The following RNF170 variants were observed in gnomAD, a reference collection of about 807,000 sequenced individuals.
RNF170 encodes E3 ubiquitin-protein ligase RNF170.
A neutral mutation model predicts 32.7 loss-of-function variants in RNF170; 12 were observed. The observed-to-expected ratio is 0.37, with a 90% CI of 0.24 to 0.60. The LOEUF (loss-of-function observed/expected upper bound fraction) is 0.60. Among genes scored for constraint, RNF170 ranks in the 20% least tolerant of loss-of-function variants. The probability of loss-of-function intolerance (pLI) is 0.72; values close to 1 mark genes in which losing one functional copy is unlikely to be tolerated. For synonymous variants in RNF170, 91 were observed against 103.6 expected, an observed-to-expected ratio of 0.88 and a Z score of 0.74; for missense variants, 212 against 311.2, an observed-to-expected ratio of 0.68 and a Z score of 2.40.
At position 42,853,446 on chromosome 8, in the gene RNF170, C is replaced by T. The variant is rs1364243191; in HGVS notation, c.*2713G>A. The stretch of plus-strand genomic sequence containing the variant: ...CCACAAGGGATCCACATAGTCCTTT[C>T]TTCCCTTGTACCTCTCAAACACTGA... On this transcript the variant is annotated 3_prime_UTR_variant, in exon 7 of 7. Transcript: ENST00000527424. 1.2e-5 allele frequency: 16 copies of T among 1,287,166 alleles called. No homozygotes were observed. Among genetic ancestry groups the T allele is most frequent in the South Asian group, 2.5e-5 (2 of 80,938 alleles). The allele number at this position is 1,287,166 out of a possible 1,614,324, so 79.7% of individuals were successfully genotyped here.
At chr8:42,892,606 T>C (rs1288834742) in intron 1 of RNF170, among the ~76,000 whole-genome samples, 1 of 152,172 alleles carries the variant, frequency 6.6e-6, no homozygotes, top group Non-Finnish European at 1.5e-5. Context: ...AAGCACTTAG[T>C]TCCAAGCATA....
Position 42,856,145 on chromosome 8 carries a change from T to A in RNF170, c.*14A>T, listed in dbSNP as rs376879135. 8.6e-5 allele frequency: 138 copies of A among 1,612,098 alleles called. No individual in the cohort carries two copies. In the East Asian group the frequency reaches 1.7e-3, roughly 20 times the overall value. ...AGCTCAGATATCCTAGTAAACTCAG[T>A]TTTGTTTTCTTTTTCATCTAGTTAG... On this transcript the variant is annotated 3_prime_UTR_variant, in exon 7 of 7. Coordinates refer to ENST00000527424, the MANE Select transcript of RNF170 (RefSeq NM_030954.4).
chr8:42,854,844 G>C lies in RNF170; in HGVS notation c.*1315C>G. On this transcript the variant is annotated 3_prime_UTR_variant, in exon 7 of 7. Transcript: ENST00000527424. ...AGATCTCCCAGTACCATGTGGTACT[G>C]AGTCTTCTCAGATACATTCACTTGT... is the stretch of plus-strand genomic sequence containing the variant. 2 of 1,287,248 alleles carry C rather than the reference G, an allele frequency of 1.6e-6. No homozygotes were observed. The highest frequency in any genetic ancestry group is 2.0e-6 in the Non-Finnish European group (2 of 988,700). The allele number at this position is 1,287,248 out of a possible 1,614,324, so 79.7% of individuals were successfully genotyped here. A position where few individuals can be genotyped will look rare whatever the true frequency, so the allele number is the denominator to read the frequency against.
intron 4 of RNF170, among the ~76,000 whole-genome samples, chr8:42,867,611 T>TA (rs917499431): frequency 6.0e-5 from 9 of 149,556 alleles, no homozygotes; most frequent in African/African-American, 1.2e-4. Context: ...CCATTTCTCC[T>TA]AAAAAATACA....
At chr8:42,878,231 G>GACTT (rs1393907931) in intron 2 of RNF170, among the ~76,000 whole-genome samples, 1 of 152,150 alleles carries the variant, frequency 6.6e-6, no homozygotes, top group Admixed American at 6.6e-5. Context: ...GTGAAAGGAA[G>GACTT]ACTTGCATGT....
intron 4 of RNF170, among the ~76,000 whole-genome samples, chr8:42,866,776 A>C (rs140860160): frequency 6.6e-6 from 1 of 152,374 alleles, no homozygotes; most frequent in African/African-American, 2.4e-5. Context: ...CTAAAGGAAG[A>C]GTCTGGCGAC....
chr8:42,897,269 G>A (rs1807018144), upstream of RNF170: 3 of 998,888 alleles, frequency 3.0e-6, no homozygotes, highest in Non-Finnish European at 3.9e-6. Context: ...CCCGTGGGGC[G>A]AGCGCTGCGG....
At chr8:42,883,066 GA>G (rs981605953) in intron 2 of RNF170, among the ~76,000 whole-genome samples, 6 of 144,360 alleles carry the variant, frequency 4.2e-5, no homozygotes, top group Admixed American at 6.9e-5. Flanking sequence ...TGTCTCAAGA[GA>G]AAAAAAAAAG....
rs1803093176 is a variant in RNF170 at position 42,854,476 on chromosome 8, A to G, written c.*1683T>C. ...ACAAAATTATCCAAAGGATAAAATG[A>G]AAAGTATGTGAGAAACCTGCTTTAA... On this transcript the variant is annotated 3_prime_UTR_variant, in exon 7 of 7. Coordinates refer to ENST00000527424, the MANE Select transcript of RNF170 (RefSeq NM_030954.4). 7.8e-7 allele frequency: 1 copy of G among 1,286,544 alleles called. No homozygotes were observed. The highest frequency in any genetic ancestry group is 1.5e-5 in the African/African-American group (1 of 65,804). The allele number at this position is 1,286,544 out of a possible 1,614,324, so 79.7% of individuals were successfully genotyped here.
At chr8:42,891,205 T>C (rs1250813832) in intron 1 of RNF170, among the ~76,000 whole-genome samples, 2 of 152,126 alleles carry the variant, frequency 1.3e-5, no homozygotes, top group Non-Finnish European at 2.9e-5. Flanking sequence ...TAAAAGTAAA[T>C]AAAATTCAAA....
At position 42,853,440 on chromosome 8, in the gene RNF170, T is replaced by C; in HGVS notation, c.*2719A>G. On this transcript the variant is annotated 3_prime_UTR_variant, in exon 7 of 7. Transcript: ENST00000527424. ...GCATAGCCACAAGGGATCCACATAG[T>C]CCTTTCTTCCCTTGTACCTCTCAAA... 7.8e-7 allele frequency: 1 copy of C among 1,287,136 alleles called. No homozygotes were observed. The highest frequency in any genetic ancestry group is 1.2e-5 in the South Asian group (1 of 80,934). The allele number at this position is 1,287,136 out of a possible 1,614,324, so 79.7% of individuals were successfully genotyped here.
chr8:42,889,324 G>C (rs547725761), intron 1 of RNF170: 1 of 152,152 alleles, frequency 6.6e-6, no homozygotes, highest in African/African-American at 2.4e-5. Flanking sequence ...GGTATGAGGG[G>C]AGATAGCCCA....
chr8:42,861,775 A>C lies in RNF170; in HGVS notation c.477T>G (p.Tyr159Ter). 1 of 1,613,812 alleles carries C rather than the reference A, an allele frequency of 6.2e-7. No individual in the cohort carries two copies. The highest frequency in any genetic ancestry group is 8.5e-7 in the Non-Finnish European group (1 of 1,179,802). ...TGGGTTGCCCTGAGAATCTCCGGTT[A>C]TAATCATTAATATCCTGATGCAATC... The part of the protein sequence containing the change: ...VLRLHQDIND[Y>*]NRRFSGQPRS... Residue 159 changes from tyrosine (Y) to a stop codon, truncating the protein, a stop_gained, in exon 6 of 7, where the codon TAT (tyrosine) becomes TAG (stop). Coordinates refer to ENST00000527424, the MANE Select transcript of RNF170 (RefSeq NM_030954.4). LOFTEE classifies it high-confidence loss of function.
At chr8:42,867,471 C>CAAAAAA (rs34272095) in intron 4 of RNF170, among the ~76,000 whole-genome samples, 1 of 35,708 alleles carries the variant, frequency 2.8e-5, no homozygotes, top group Non-Finnish European at 5.0e-5. Flanking sequence ...AACTCCGTCT[C>CAAAAAA]AAAAAAAAAA....
At chr8:42,875,723 C>T (rs1804874125) in intron 2 of RNF170, among the ~76,000 whole-genome samples, 1 of 152,080 alleles carries the variant, frequency 6.6e-6, no homozygotes, top group South Asian at 2.1e-4. Context: ...ATTATGGGCA[C>T]GTGCCACCAT....
At chr8:42,867,794 A>AG (rs1176053536) in intron 4 of RNF170, among the ~76,000 whole-genome samples, 2 of 150,498 alleles carry the variant, frequency 1.3e-5, no homozygotes, top group East Asian at 1.9e-4. Flanking sequence ...AAAAAAAAAA[A>AG]AAAAAGAAAA....
rs971364408 is a variant in RNF170 at position 42,854,802 on chromosome 8, G to A, written c.*1357C>T. 26 of 1,287,174 alleles carry A rather than the reference G, an allele frequency of 2.0e-5. No individual in the cohort carries two copies. The highest frequency in any genetic ancestry group is 9.9e-5 in the South Asian group (8 of 80,938). 79.7% of individuals were successfully genotyped at this position (1,287,174 alleles called of 1,614,324 possible). ...TGTCATACATTCACTAATGAGCAAC[G>A]CCAGCTGAAGTGAGTAAGATCTCCC... On this transcript the variant is annotated 3_prime_UTR_variant, in exon 7 of 7. Transcript: ENST00000527424.
intron 4 of RNF170, among the ~76,000 whole-genome samples, chr8:42,867,245 G>A (rs1804151021): frequency 1.3e-5 from 2 of 152,122 alleles, no homozygotes; most frequent in South Asian, 4.1e-4. Context: ...GCTGAGGCAG[G>A]CGGATCACCT....
rs1414020569 is a variant in RNF170, at chr8:42,896,566, C to A, written c.-90G>T. The A allele has an allele frequency of 6.6e-6, 3 of 453,932 alleles. No homozygotes were observed. The highest frequency in any genetic ancestry group is 6.0e-5 in the African/African-American group (3 of 50,100). 28.1% of individuals were successfully genotyped at this position (453,932 alleles called of 1,614,324 possible). ...CCAGGACCGCTCCCGCCACCCCTCC[C>A]GGGCAACCCACTAGACGTCCCCTTT... On this transcript the variant is annotated 5_prime_UTR_variant, in exon 1 of 7. Transcript: ENST00000527424.
Sources: gnomAD v4.1 joint callset for allele counts (sites outside exome capture counted in the v4.1 genomes callset) on GRCh38, gnomAD v4.1.1 for gene constraint, MANE v1.5 for transcripts, NCBI Gene and HGNC (gene_info 2026-07-23, HGNC 2026-07-21) for gene names.